The following ENOX1 variants were observed in gnomAD, a reference collection of about 807,000 sequenced individuals.
ENOX1 encodes candidate growth-related and time keeping constitutive hydroquinone (NADH) oxidase.
Under a neutral mutation model 82.5 loss-of-function variants are expected in ENOX1, and 42 were observed. The ratio of observed to expected loss-of-function variants is 0.51; its 90% confidence interval spans 0.40 to 0.66. The LOEUF (loss-of-function observed/expected upper bound fraction) is 0.66, where lower values mean the gene tolerates loss of function less well. Ranked by LOEUF, ENOX1 falls within the 30% of genes least tolerant of loss-of-function variation. The pLI is 0.00. For synonymous variants in ENOX1, 271 were observed against 282.2 expected (o/e 0.96, Z 0.40); for missense variants, 608 against 811.6 (o/e 0.75, Z 3.05).
At chr13:43,619,871 C>T (rs753071980) in intron 2 of ENOX1, among the ~76,000 whole-genome samples, 11 of 152,084 alleles carry the variant, frequency 7.2e-5, no homozygotes, top group Non-Finnish European at 7.4e-5. Context: ...TGCTGTGAAT[C>T]GCTCTGGTCC....
Position 43,620,084 on chromosome 13 carries a change from G to T in ENOX1, c.-219+47395C>A, listed in dbSNP as rs142483242. Reference sequence around the variant, plus strand: ...TTGAATGATCTTTTGTATTTCTGTGGTGTCAGTTGTAATATCTCCTGTTTC... The same window carrying T: ...TTGAATGATCTTTTGTATTTCTGTGTTGTCAGTTGTAATATCTCCTGTTTC... On this transcript the variant is annotated intron_variant, in intron 2 of 16. Transcript: ENST00000690772. Among the ~76,000 whole-genome samples the T allele has an allele frequency of 1.9e-3, 286 of 152,194 alleles. 8 individuals carry two copies. The East Asian group carries it at 0.043, about 23-fold the overall frequency.
At position 43,414,808 on chromosome 13, in the gene ENOX1, A is replaced by AT. The variant is rs1248185717; in HGVS notation, c.-74-1821dup. 2.0e-5 allele frequency among the ~76,000 whole-genome samples: 3 copies of AT among 151,918 alleles called. No individual in the cohort carries two copies. The East Asian group carries it at 5.8e-4, about 29-fold the overall frequency. ...CTTCCCAAATGGGCATTAATCACAC[A>AT]TTTTTTTCTCGAGTCTGCAGTTCTG... is the stretch of plus-strand genomic sequence containing the variant. On this transcript the variant is annotated intron_variant, in intron 3 of 16. Transcript: ENST00000690772.
At chr13:43,561,610 G>T (rs2079672125) in intron 2 of ENOX1, among the ~76,000 whole-genome samples, 2 of 152,094 alleles carry the variant, frequency 1.3e-5, no homozygotes, top group South Asian at 4.1e-4. Flanking sequence ...GTTAGAGTGT[G>T]ATGAAATCCA....
Position 43,360,041 on chromosome 13 carries a change from G to A in ENOX1, c.399C>T (p.Ser133=), listed in dbSNP as rs147015403. ...FPQNPNLPPP[S]TRERPPGCKT... ...TACACCCAGGAGGTCGTTCTCTTGT[G>A]GAAGGAGGTGGAAGATCTAATAATC... is the stretch of plus-strand genomic sequence containing the variant. The change falls in exon 7 of 17, where the codon TCC becomes TCT. Residue 133 remains serine (S), a synonymous_variant. Transcript: ENST00000690772. The A allele has an allele frequency of 1.9e-5, 31 of 1,614,102 alleles. No homozygotes were observed. In the African/African-American group the frequency reaches 3.3e-4, roughly 17 times the overall value.
chr13:43,505,079 G>A (rs889048234), intron 2 of ENOX1, among the ~76,000 whole-genome samples: 5 of 151,700 alleles, frequency 3.3e-5, no homozygotes, highest in Non-Finnish European at 7.4e-5. Context: ...TTTTGGTGAG[G>A]TAATATCCAA....
chr13:43,528,229 T>C (rs1314702579), intron 2 of ENOX1, among the ~76,000 whole-genome samples: 2 of 152,060 alleles, frequency 1.3e-5, no homozygotes, highest in African/African-American at 4.8e-5. Context: ...ACTTAAGTAA[T>C]ATAAAGGGTA....
chr13:43,542,201 G>A (rs941795522), intron 2 of ENOX1, among the ~76,000 whole-genome samples: 9 of 151,482 alleles, frequency 5.9e-5, no homozygotes, highest in East Asian at 1.9e-4. Context: ...GTGCAGTGGC[G>A]TGATCTCGGC....
At chr13:43,740,344 T>C (rs1233726905) in intron 1 of ENOX1, among the ~76,000 whole-genome samples, 1 of 147,148 alleles carries the variant, frequency 6.8e-6, no homozygotes, top group Non-Finnish European at 1.5e-5. Flanking sequence ...CCTCAACCAA[T>C]TTACCTTTTT....
intron 3 of ENOX1, among the ~76,000 whole-genome samples, chr13:43,453,379 T>TAAAACA (rs974859267): frequency 6.6e-6 from 1 of 152,196 alleles, no homozygotes; most frequent in Non-Finnish European, 1.5e-5. Flanking sequence ...TGAGCTTCCT[T>TAAAACA]AAAACAAAAA....
chr13:43,682,333 A>G (rs1040991976), intron 1 of ENOX1, among the ~76,000 whole-genome samples: 6 of 152,112 alleles, frequency 3.9e-5, no homozygotes, highest in Non-Finnish European at 1.5e-5. Flanking sequence ...AGATAATAGG[A>G]ACATCTGAAT....
At chr13:43,470,633 T>A (rs2058029652) in intron 3 of ENOX1, among the ~76,000 whole-genome samples, 1 of 151,486 alleles carries the variant, frequency 6.6e-6, no homozygotes, top group South Asian at 2.1e-4. Context: ...TATATTTTTA[T>A]ATATGGCTCA....
chr13:43,458,227 C>T (rs1311931000), intron 3 of ENOX1, among the ~76,000 whole-genome samples: 1 of 151,936 alleles, frequency 6.6e-6, no homozygotes, highest in African/African-American at 2.4e-5. Flanking sequence ...ATTTTAAATC[C>T]CCTGTCTTCC....
chr13:43,725,692 A>G (rs540064415), intron 1 of ENOX1, among the ~76,000 whole-genome samples: 2 of 152,098 alleles, frequency 1.3e-5, no homozygotes, highest in Admixed American at 6.6e-5. Flanking sequence ...TTCGCCTGGC[A>G]CGGTGACTCA....
At chr13:43,708,748 G>A (rs1469042696) in intron 1 of ENOX1, among the ~76,000 whole-genome samples, 1 of 152,126 alleles carries the variant, frequency 6.6e-6, no homozygotes. Context: ...AGTAACCCAG[G>A]ACGATTCATA....
intron 15 of ENOX1, among the ~76,000 whole-genome samples, chr13:43,230,548 C>T (rs1435371748): frequency 6.6e-6 from 1 of 151,918 alleles, no homozygotes; most frequent in East Asian, 1.9e-4. Context: ...CATAATAGTC[C>T]TCATACATTA....
At chr13:43,701,105 T>C (rs1201168923) in intron 1 of ENOX1, among the ~76,000 whole-genome samples, 1 of 152,192 alleles carries the variant, frequency 6.6e-6, no homozygotes, top group Non-Finnish European at 1.5e-5. Context: ...CAATTAGTTT[T>C]ACGCATTTTT....
In ENOX1 at chr13:43,214,020, C is replaced by A. The variant is rs1198648513; in HGVS notation, c.1902G>T (p.Leu634=). ...TAGTTTTAATTCCTTCAAAGGCACA[C>A]AGCTTCCATCTTTTTTCCAGCGTGG... ...VGATLEKRWK[L]CAFEGIKTT is the part of the protein sequence containing the mutation. The change falls in exon 17 of 17, where the codon CTG becomes CTT. Residue 634 remains leucine (L), a synonymous_variant. Transcript: ENST00000690772. 3.1e-6 allele frequency: 5 copies of A among 1,613,882 alleles called. No individual in the cohort carries two copies. The highest frequency in any genetic ancestry group is 4.2e-6 in the Non-Finnish European group (5 of 1,179,922).
Position 43,682,542 on chromosome 13 carries a change from G to C in ENOX1, c.-284-14998C>G, listed in dbSNP as rs185658972. On this transcript the variant is annotated intron_variant, in intron 1 of 16. Coordinates refer to ENST00000690772, the MANE Select transcript of ENOX1 (RefSeq NM_001347969.2). ...CAGCAAATGCAGGCTGGCCACCATG[G>C]GTGGTGGCAGTTGTAGTTACCATTC... Among the ~76,000 whole-genome samples the C allele has an allele frequency of 1.5e-3, 235 of 152,068 alleles. 1 individual carries two copies. The highest frequency in any genetic ancestry group is 5.3e-3 in the African/African-American group (221 of 41,468).
In ENOX1 at chr13:43,785,266, G is replaced by A. The variant is rs117125207; in HGVS notation, c.-285+1386C>T. 1.7e-3 allele frequency among the ~76,000 whole-genome samples: 256 copies of A among 152,216 alleles called. 6 individuals carry two copies. The East Asian group carries it at 0.029, about 17-fold the overall frequency. The stretch of plus-strand genomic sequence containing the variant: ...TATTACCACTTTGCTTGACAGAGCC[G>A]TCTCCAACAGCACGCACCCACCTCT... On this transcript the variant is annotated intron_variant, in intron 1 of 16. Transcript: ENST00000690772.
Sources: allele counts gnomAD v4.1 joint callset (sites outside exome capture counted in the v4.1 genomes callset), GRCh38; gene constraint gnomAD v4.1.1; transcripts MANE v1.5; gene names NCBI Gene and HGNC (gene_info 2026-07-23, HGNC 2026-07-21).